NEB: variants seen among roughly 807,000 people sequenced by gnomAD.
NEB encodes the protein nebulin.
Under a neutral mutation model 952.2 loss-of-function variants are expected in NEB, and 512 were observed. The observed-to-expected ratio is 0.54, with a 90% CI of 0.50 to 0.58. The LOEUF (loss-of-function observed/expected upper bound fraction) is 0.58. NEB is among the 20% of genes least tolerant of loss of function. The pLI, the probability that NEB is intolerant of heterozygous loss-of-function variation, is 0.00. For synonymous variants in NEB, 2,900 were observed against 3,149.8 expected, an observed-to-expected ratio of 0.92 and a Z score of 2.66; for missense variants, 8,428 against 9,231.1, an observed-to-expected ratio of 0.91 and a Z score of 3.56.
rs2061711785 is a variant in NEB at position 151,498,263 on chromosome 2, G to A, written c.24204C>T (p.Ser8068=). 6.4e-7 allele frequency: 1 copy of A among 1,551,306 alleles called. No individual in the cohort carries two copies. The highest frequency in any genetic ancestry group is 1.2e-5 in the South Asian group (1 of 84,052). ...TTCCCCTTTCTTTCCAAAATACCGAGCTAAGGTTTTCTTGATTGTGTTTGA... is the reference window on the plus strand; with the variant it reads ...TTCCCCTTTCTTTCCAAAATACCGAACTAAGGTTTTCTTGATTGTGTTTGA... ...QRVKHNQENL[S]SVLYKENMGK... Residue 8068 remains serine (S), a synonymous_variant, in exon 170 of 182, where the codon AGC becomes AGT. Transcript: ENST00000397345.
In NEB at chr2:151,608,720, T is replaced by C. The variant is rs1275605421; in HGVS notation, c.12331-44A>G. 3.6e-4 allele frequency: 25 copies of C among 69,172 alleles called. 1 individual carries two copies. The highest frequency in any genetic ancestry group is 1.0e-3 in the African/African-American group (23 of 22,368). 4.3% of individuals were successfully genotyped at this position (69,172 alleles called of 1,614,324 possible). ...ACAAAAATACCATTTCTGACCAACA[T>C]GGTGAAACCCCATCTCTACTAAAAA... On this transcript the variant is annotated intron_variant, in intron 81 of 181. Coordinates refer to ENST00000397345, the MANE Select transcript of NEB (RefSeq NM_001164508.2).
intron 142 of NEB, among the ~76,000 whole-genome samples, chr2:151,535,006 T>C (rs1312554053): frequency 2.0e-5 from 3 of 152,120 alleles, no homozygotes; most frequent in Non-Finnish European, 4.4e-5. Context: ...TTACAGAAAC[T>C]GTAAAAAATC....
chr2:151,491,887 C>T (rs2056890958), intron 178 of NEB, 112 bp from the exon 179 acceptor site: 2 of 1,027,820 alleles, frequency 1.9e-6, no homozygotes. Context: ...CTTATTCCAG[C>T]TTAGGTTCTG....
At chr2:151,657,225 G>A (rs2099095183) in intron 48 of NEB, among the ~76,000 whole-genome samples, 2 of 152,124 alleles carry the variant, frequency 1.3e-5, no homozygotes, top group Non-Finnish European at 2.9e-5. Context: ...AATGGGATGG[G>A]CTGGATAGGT....
chr2:151,650,785 T>G lies in NEB; in HGVS notation c.7016A>C (p.Lys2339Thr). The change falls in exon 53 of 182, where the codon AAA (lysine) becomes ACA (threonine). Residue 2339 changes from lysine to threonine, a missense_variant. Lys to Thr is a moderately conservative substitution (Grantham distance 78). Transcript: ENST00000397345. ...PKLVLSMNVA[K>T]MQSEREYKKD... ...CTTGTATTCTCTTTCACTCTGCATT[T>G]TGGCTACATTCATGGACAACACAAG... The G allele has an allele frequency of 6.2e-7, 1 of 1,613,980 alleles. No individual in the cohort carries two copies. The highest frequency in any genetic ancestry group is 1.1e-5 in the South Asian group (1 of 91,078).
At chr2:151,676,875 C>G (rs1242229883) in intron 34 of NEB, among the ~76,000 whole-genome samples, 1 of 152,188 alleles carries the variant, frequency 6.6e-6, no homozygotes, top group East Asian at 1.9e-4. Flanking sequence ...TCTATTTCAT[C>G]TTTATGCCAT....
intron 146 of NEB, among the ~76,000 whole-genome samples, chr2:151,527,852 C>G (rs114308589): frequency 3.9e-5 from 6 of 152,168 alleles, no homozygotes; most frequent in Non-Finnish European, 8.8e-5. Context: ...TCTAGTTCTG[C>G]CAGTCCAGCC....
chr2:151,560,912 T>C, intron 123 of NEB, 92 bp downstream of exon 123: 2 of 834,194 alleles, frequency 2.4e-6, no homozygotes, highest in Non-Finnish European at 3.7e-6. Context: ...GAAAAGCCTT[T>C]AGGGAAAGAG....
intron 161 of NEB, among the ~76,000 whole-genome samples, chr2:151,511,584 G>A (rs956546487): frequency 5.3e-5 from 8 of 152,180 alleles, no homozygotes; most frequent in Non-Finnish European, 7.3e-5. Flanking sequence ...GCTAGGGCAC[G>A]TTAACTATGG....
In NEB at chr2:151,691,988, A is replaced by G. The variant is rs763296516; in HGVS notation, c.2107-20T>C. 6.2e-7 allele frequency: 1 copy of G among 1,609,828 alleles called. No homozygotes were observed. Among genetic ancestry groups the G allele is most frequent in the Admixed American group, 1.7e-5 (1 of 59,918 alleles). On this transcript the variant is annotated intron_variant, in intron 22 of 181. Transcript: ENST00000397345. ...ACTTTTCTATAATGAGAAAAACCAAAAATAGATCATGATTGTTATGGCTCT... is the reference window on the plus strand; with the variant it reads ...ACTTTTCTATAATGAGAAAAACCAAGAATAGATCATGATTGTTATGGCTCT...
At chr2:151,728,867 G>A (rs1265908625) in intron 4 of NEB, among the ~76,000 whole-genome samples, 1 of 152,106 alleles carries the variant, frequency 6.6e-6, no homozygotes, top group Non-Finnish European at 1.5e-5. Context: ...ATTGCTAATA[G>A]GTTGTTTTCT....
At chr2:151,730,825 G>C (rs1486002049) in intron 3 of NEB, among the ~76,000 whole-genome samples, 2 of 151,994 alleles carry the variant, frequency 1.3e-5, no homozygotes, top group African/African-American at 2.4e-5. Context: ...GTTAACAATC[G>C]TCTAGAACTT....
Position 151,610,815 on chromosome 2 carries a change from G to C in NEB, c.11857C>G (p.Pro3953Ala). 6.2e-7 allele frequency: 1 copy of C among 1,606,126 alleles called. No homozygotes were observed. The highest frequency in any genetic ancestry group is 8.5e-7 in the Non-Finnish European group (1 of 1,175,928). Reference sequence around the variant, plus strand: ...GCCAGCAGGATATCTGGGGTGTCTGGCATCACGTGGATGGAGGTTTTGTCA... The same window carrying C: ...GCCAGCAGGATATCTGGGGTGTCTGCCATCACGTGGATGGAGGTTTTGTCA... The part of the protein sequence containing the change: ...DADKTSIHVM[P>A]DTPDILLAKS... Residue 3953 changes from proline to alanine, a missense_variant, in exon 79 of 182, where the codon CCA becomes GCA. Transcript: ENST00000397345.
chr2:151,697,684 C>T, intron 13 of NEB, 36 bp from the exon 14 acceptor site: 1 of 1,333,082 alleles, frequency 7.5e-7, no homozygotes, highest in Non-Finnish European at 1.1e-6. Flanking sequence ...AAGTAGATTC[C>T]TGTCACTCCC....
intron 113 of NEB, 114 bp downstream of exon 113, chr2:151,567,957 C>T (rs1036200008): frequency 2.7e-6 from 2 of 745,866 alleles, no homozygotes; most frequent in Non-Finnish European, 4.5e-6. Flanking sequence ...CTGGCCAGGT[C>T]TGCCACACTG....
In NEB at chr2:151,640,614, C is replaced by T. The variant is rs768754421; in HGVS notation, c.8426G>A (p.Arg2809Gln). The T allele has an allele frequency of 9.9e-6, 16 of 1,613,720 alleles. No individual in the cohort carries two copies. Among genetic ancestry groups the T allele is most frequent in the South Asian group, 2.2e-5 (2 of 91,080 alleles). Residue 2809 changes from arginine (R) to glutamine (Q), a missense_variant, in exon 61 of 182, where the codon CGA (arginine) becomes CAA (glutamine). Physicochemically the swap from Arg to Gln is conservative, Grantham distance 43. Coordinates refer to ENST00000397345, the MANE Select transcript of NEB (RefSeq NM_001164508.2). ...RKQLGHHIGA[R>Q]AIRDDPKMMW... ...CATCTTGGGGTCATCACGTATAGCTCGGGCACCAATGTGGTGGCCGAGCTG... is the reference window on the plus strand; with the variant it reads ...CATCTTGGGGTCATCACGTATAGCTTGGGCACCAATGTGGTGGCCGAGCTG...
intron 45 of NEB, among the ~76,000 whole-genome samples, chr2:151,662,813 C>G (rs1189205440): frequency 6.6e-6 from 1 of 152,164 alleles, no homozygotes; most frequent in African/African-American, 2.4e-5. Context: ...ATGCCAGAAA[C>G]CTTCCTGGTA....
rs367638234 is a variant in NEB at position 151,609,860 on chromosome 2, C to G, written c.12279G>C (p.Pro4093=). The part of the protein sequence containing the change: ...RNYLHEWTCM[P]DQNDIIQAKK... ...TTGCTTGGATAATGTCGTTTTGATC[C>G]GGCATGCATGTCCATTCATGCAGGT... Residue 4093 remains proline, a synonymous_variant, in exon 81 of 182, where the codon CCG becomes CCC. Coordinates refer to ENST00000397345, the MANE Select transcript of NEB (RefSeq NM_001164508.2). 6.2e-7 allele frequency: 1 copy of G among 1,608,666 alleles called. No homozygotes were observed.
intron 130 of NEB, among the ~76,000 whole-genome samples, chr2:151,548,877 G>A (rs2095038405): frequency 6.6e-6 from 1 of 152,128 alleles, no homozygotes; most frequent in African/African-American, 2.4e-5. Flanking sequence ...ACAGGTTATT[G>A]GGTCCTTTCT....
Sources: gnomAD v4.1 joint callset for allele counts (sites outside exome capture counted in the v4.1 genomes callset) on GRCh38, gnomAD v4.1.1 for gene constraint, MANE v1.5 for transcripts, NCBI Gene and HGNC (gene_info 2026-07-23, HGNC 2026-07-21) for gene names.